The following LEUTX variants were observed in gnomAD, a reference collection of about 807,000 sequenced individuals.
The protein encoded by LEUTX is paired-like homeodomain transcription factor LEUTX.
A neutral mutation model predicts 4.5 loss-of-function variants in LEUTX; 5 were observed. The ratio of observed to expected loss-of-function variants is 1.11; its 90% confidence interval spans 0.58 to 2.34. The LOEUF is 2.34. LEUTX is among the 30% of genes most tolerant of loss of function. The pLI is 0.01. For synonymous variants in LEUTX, 89 were observed against 85.1 expected, an observed-to-expected ratio of 1.05 and a Z score of -0.25; for missense variants, 233 against 239.4, an observed-to-expected ratio of 0.97 and a Z score of 0.18.
At chr19:39,780,564 T>A (rs2144954998) in intron 1 of LEUTX, among the ~76,000 whole-genome samples, 1 of 152,298 alleles carries the variant, frequency 6.6e-6, no homozygotes, top group Admixed American at 6.5e-5. Context: ...GTCAGAGATA[T>A]TTTTAGTCAC....
upstream of LEUTX, among the ~76,000 whole-genome samples, chr19:39,777,818 C>T (rs73546609): frequency 1.3e-5 from 2 of 152,300 alleles, no homozygotes; most frequent in African/African-American, 4.8e-5. Context: ...TAAAACAAAA[C>T]GTAAAAAGAT....
At chr19:39,780,575 A>G (rs1311346124) in intron 1 of LEUTX, among the ~76,000 whole-genome samples, 3 of 152,178 alleles carry the variant, frequency 2.0e-5, no homozygotes, top group Non-Finnish European at 4.4e-5. Context: ...TTTTAGTCAC[A>G]TAAATATTGC....
At chr19:39,777,848 A>G (rs1460106580), upstream of LEUTX, among the ~76,000 whole-genome samples, 1 of 152,186 alleles carries the variant, frequency 6.6e-6, no homozygotes, top group Non-Finnish European at 1.5e-5. Context: ...TCCTTCAATC[A>G]TTTGGCCTTC....
chr19:39,786,005 C>G lies in LEUTX; in HGVS notation c.467C>G (p.Ala156Gly). 1 of 1,551,702 alleles carries G rather than the reference C, an allele frequency of 6.4e-7. No homozygotes were observed. The highest frequency in any genetic ancestry group is 8.7e-7 in the Non-Finnish European group (1 of 1,146,996). ...ICLGASNPPWASTLFEIDEFV... is the reference protein window; with the variant it reads ...ICLGASNPPWGSTLFEIDEFV... ...CTGGGGGCTTCAAATCCTCCTTGGG[C>G]CTCCACTCTCTTTGAAATAGATGAA... Residue 156 changes from alanine to glycine, a missense_variant, in exon 3 of 3, where the codon GCC (alanine) becomes GGC (glycine). By Grantham distance (60) the Ala-to-Gly change is moderately conservative. Transcript: ENST00000638280.
chr19:39,784,777 T>TA, intron 2 of LEUTX, 99 bp downstream of exon 2: 1 of 858,024 alleles, frequency 1.2e-6, no homozygotes, highest in Middle Eastern at 2.2e-4. Context: ...TGGCAATTGC[T>TA]ATGTGTAAGG....
chr19:39,780,560 G>T (rs1398734465), intron 1 of LEUTX, among the ~76,000 whole-genome samples: 1 of 152,064 alleles, frequency 6.6e-6, no homozygotes, highest in Non-Finnish European at 1.5e-5. Flanking sequence ...TTTAGTCAGA[G>T]ATATTTTTAG....
chr19:39,783,403 T>C (rs1967917320), intron 1 of LEUTX, among the ~76,000 whole-genome samples: 1 of 149,586 alleles, frequency 6.7e-6, no homozygotes, highest in South Asian at 2.1e-4. Context: ...ATCCACTCAA[T>C]TGATGGACAT....
rs1360819571 is a variant in LEUTX at position 39,785,875 on chromosome 19, C to G, written c.337C>G (p.His113Asp). ...TCCTGGAATCTCTGATGCAAATGAC[C>G]ATGATCTACGTGAGCCTTCTGGTAT... ...VSPGISDAND[H>D]DLREPSGIKN... The change falls in exon 3 of 3, where the codon CAT (histidine) becomes GAT (aspartate). Residue 113 changes from histidine (H) to aspartate (D), a missense_variant. His to Asp is a moderately conservative substitution (Grantham distance 81). Coordinates refer to ENST00000638280, the MANE Select transcript of LEUTX (RefSeq NM_001382345.1). The G allele has an allele frequency of 1.3e-6, 2 of 1,551,666 alleles. No homozygotes were observed. The highest frequency in any genetic ancestry group is 2.0e-5 in the Admixed American group (1 of 50,992).
At chr19:39,781,373 G>C (rs1420918182) in intron 1 of LEUTX, among the ~76,000 whole-genome samples, 4 of 152,198 alleles carry the variant, frequency 2.6e-5, no homozygotes, top group South Asian at 2.1e-4. Context: ...TTTACTAGAT[G>C]ATGAGGTCTT....
upstream of LEUTX, among the ~76,000 whole-genome samples, chr19:39,778,525 A>T (rs1568513946): frequency 1.3e-5 from 2 of 152,100 alleles, no homozygotes; most frequent in Non-Finnish European, 2.9e-5. Flanking sequence ...AGTTTGAATC[A>T]TCTTACCAAC....
Position 39,786,211 on chromosome 19 carries a change from GACCCCAGTCT to G in LEUTX, c.*78_*87del. 1 of 1,171,252 alleles carries G rather than the reference GACCCCAGTCT, an allele frequency of 8.5e-7. No individual in the cohort carries two copies. Among genetic ancestry groups the G allele is most frequent in the Non-Finnish European group, 1.2e-6 (1 of 848,692 alleles). 72.6% of individuals were successfully genotyped at this position (1,171,252 alleles called of 1,614,324 possible). The stretch of plus-strand genomic sequence containing the variant: ...TATTTCCACACATCTTTAATGGTTT[GACCCCAGTCT>G]AAGTAGATCAGGGGCTGGGAATTTA... On this transcript the variant is annotated 3_prime_UTR_variant, in exon 3 of 3. Transcript: ENST00000638280.
upstream of LEUTX, chr19:39,776,456 G>A (rs1599614324): frequency 2.8e-6 from 1 of 356,126 alleles, no homozygotes; most frequent in East Asian, 7.8e-5. Flanking sequence ...AGCTCCGGGA[G>A]TGCTGCCGCA....
intron 1 of LEUTX, among the ~76,000 whole-genome samples, 195 bp downstream of exon 1, chr19:39,779,122 A>T (rs73546615): frequency 6.6e-6 from 1 of 152,082 alleles, no homozygotes; most frequent in Non-Finnish European, 1.5e-5. Context: ...GTTTCTCCAC[A>T]TCTCTTTTTT....
intron 1 of LEUTX, among the ~76,000 whole-genome samples, chr19:39,783,633 G>A (rs1041264474): frequency 6.6e-6 from 1 of 151,630 alleles, no homozygotes; most frequent in African/African-American, 2.4e-5. Context: ...GTGTAGAAGT[G>A]TTGCCTGTTC....
chr19:39,783,443 G>A (rs1015728040), intron 1 of LEUTX, among the ~76,000 whole-genome samples: 4 of 150,566 alleles, frequency 2.7e-5, no homozygotes, highest in African/African-American at 7.3e-5. Context: ...TTACAATTGC[G>A]AATTGTACTG....
Position 39,785,861 on chromosome 19 carries a change from C to T in LEUTX, c.323C>T (p.Ser108Phe), listed in dbSNP as rs1967962488. 3.2e-6 allele frequency: 5 copies of T among 1,551,800 alleles called. No individual in the cohort carries two copies. Among genetic ancestry groups the T allele is most frequent in the Non-Finnish European group, 4.4e-6 (5 of 1,147,016 alleles). Residue 108 changes from serine (S) to phenylalanine (F), a missense_variant, in exon 3 of 3, where the codon TCT (serine) becomes TTT (phenylalanine). Transcript: ENST00000638280. ...ANIRPVSPGI[S>F]DANDHDLREP... Reference sequence around the variant, plus strand: ...ATTCGTCCAGTAAGTCCTGGAATCTCTGATGCAAATGACCATGATCTACGT... The same window carrying T: ...ATTCGTCCAGTAAGTCCTGGAATCTTTGATGCAAATGACCATGATCTACGT...
chr19:39,785,020 C>G (rs1967943937), intron 2 of LEUTX, among the ~76,000 whole-genome samples: 1 of 152,180 alleles, frequency 6.6e-6, no homozygotes, highest in Admixed American at 6.5e-5. Context: ...TCTGCTTAAT[C>G]AGGACCATCA....
Position 39,784,611 on chromosome 19 carries a change from T to C in LEUTX, c.92T>C (p.Met31Thr). Reference sequence around the variant, plus strand: ...TTGAGAGAATTGCTTGAAAAGACCATGCACCCAAGTTTGGCTACAATGGGG... The same window carrying C: ...TTGAGAGAATTGCTTGAAAAGACCACGCACCCAAGTTTGGCTACAATGGGG... Reference protein sequence around the residue: ...TALRELLEKTMHPSLATMGKL... With the variant: ...TALRELLEKTTHPSLATMGKL... The change falls in exon 2 of 3, where the codon ATG (methionine) becomes ACG (threonine). Residue 31 changes from methionine to threonine, a missense_variant. By Grantham distance (81) the Met-to-Thr change is moderately conservative (BLOSUM62 -1). Coordinates refer to ENST00000638280, the MANE Select transcript of LEUTX (RefSeq NM_001382345.1). The C allele has an allele frequency of 6.4e-7, 1 of 1,551,078 alleles. No homozygotes were observed. The highest frequency in any genetic ancestry group is 8.7e-7 in the Non-Finnish European group (1 of 1,146,444).
intron 1 of LEUTX, among the ~76,000 whole-genome samples, chr19:39,781,687 A>G (rs1242135051): frequency 6.6e-6 from 1 of 152,150 alleles, no homozygotes; most frequent in South Asian, 2.1e-4. Flanking sequence ...GCCTTCTGTC[A>G]TGAGTGGAAG....
Sources: gnomAD v4.1 joint callset for allele counts (sites outside exome capture counted in the v4.1 genomes callset) on GRCh38, gnomAD v4.1.1 for gene constraint, MANE v1.5 for transcripts, NCBI Gene and HGNC (gene_info 2026-07-23, HGNC 2026-07-21) for gene names.